NXN: variants seen among roughly 807,000 people sequenced by gnomAD.
The protein encoded by NXN is nucleoredoxin, also known as nucleoredoxin 1.
NXN carries 16 observed loss-of-function variants against 48.6 expected under a neutral mutation model. The ratio of observed to expected loss-of-function variants is 0.33; its 90% CI spans 0.22 to 0.50. The LOEUF is 0.50. Ranked by LOEUF, NXN falls within the 20% of genes least tolerant of loss-of-function variation. The pLI is 0.98. For synonymous variants in NXN, 281 were observed against 269.6 expected (o/e 1.04, Z -0.41); for missense variants, 492 against 605.5 (o/e 0.81, Z 1.97).
chr17:817,671 GAAAAAAA>G (rs1230474649), intron 5 of NXN, among the ~76,000 whole-genome samples: 1 of 107,168 alleles, frequency 9.3e-6, no homozygotes, highest in Non-Finnish European at 2.0e-5. Flanking sequence ...TCCAATTCAG[GAAAAAAA>G]AAAAAAAAAA....
At chr17:964,233 A>G (rs1271688465) in intron 1 of NXN, among the ~76,000 whole-genome samples, 1 of 152,218 alleles carries the variant, frequency 6.6e-6, no homozygotes, top group African/African-American at 2.4e-5. Flanking sequence ...GCATGTACAG[A>G]GACAGATAAA....
At chr17:907,436 T>G (rs560805172) in intron 1 of NXN, among the ~76,000 whole-genome samples, 15 of 151,710 alleles carry the variant, frequency 9.9e-5, no homozygotes, top group African/African-American at 3.1e-4. Context: ...GCCTCCCGAG[T>G]TCAAGTGATT....
intron 1 of NXN, among the ~76,000 whole-genome samples, chr17:931,560 GGC>G: frequency 6.6e-6 from 1 of 152,106 alleles, no homozygotes; most frequent in Admixed American, 6.6e-5. Context: ...TTTTTGGCCG[GGC>G]GCAGTGGCTC....
At chr17:833,385 CAG>C (rs979408552) in intron 1 of NXN, among the ~76,000 whole-genome samples, 1 of 152,100 alleles carries the variant, frequency 6.6e-6, no homozygotes, top group Non-Finnish European at 1.5e-5. Context: ...ACCCTTCTGT[CAG>C]AGAAGTCATC....
intron 1 of NXN, among the ~76,000 whole-genome samples, chr17:909,333 G>A (rs745453107): frequency 3.3e-5 from 5 of 152,046 alleles, no homozygotes; most frequent in Non-Finnish European, 7.4e-5. Flanking sequence ...GAAACAGAGA[G>A]ATTTTATATT....
intron 1 of NXN, among the ~76,000 whole-genome samples, chr17:905,631 G>A (rs2144908628): frequency 6.6e-6 from 1 of 152,212 alleles, no homozygotes; most frequent in East Asian, 1.9e-4. Flanking sequence ...CCGTTCAATA[G>A]AAATATAATG....
At chr17:810,818 G>A (rs1422321709) in intron 5 of NXN, among the ~76,000 whole-genome samples, 1 of 152,150 alleles carries the variant, frequency 6.6e-6, no homozygotes, top group Non-Finnish European at 1.5e-5. Flanking sequence ...GAACGCGGGA[G>A]GCAGAGCTTG....
At chr17:944,472 G>A (rs988347714) in intron 1 of NXN, among the ~76,000 whole-genome samples, 1 of 152,318 alleles carries the variant, frequency 6.6e-6, no homozygotes, top group East Asian at 1.9e-4. Context: ...CAAAGGCCCT[G>A]CGCTGTGTTC....
At chr17:816,812 C>G (rs1281182498) in intron 5 of NXN, among the ~76,000 whole-genome samples, 1 of 152,150 alleles carries the variant, frequency 6.6e-6, no homozygotes, top group Middle Eastern at 3.2e-3. Context: ...GGAAGCCCTC[C>G]TGACCCCCAC....
At chr17:877,421 C>T (rs2068228801) in intron 1 of NXN, among the ~76,000 whole-genome samples, 3 of 152,274 alleles carry the variant, frequency 2.0e-5, no homozygotes, top group Admixed American at 2.0e-4. Context: ...GCTGGAATTA[C>T]AGGCGTGAGC....
chr17:912,413 A>G (rs1456580898), intron 1 of NXN, among the ~76,000 whole-genome samples: 1 of 152,094 alleles, frequency 6.6e-6, no homozygotes, highest in East Asian at 1.9e-4. Context: ...GTGTTAAAAC[A>G]CTGCCAAAGA....
At chr17:887,944 A>C (rs1386427760) in intron 1 of NXN, among the ~76,000 whole-genome samples, 1 of 151,916 alleles carries the variant, frequency 6.6e-6, no homozygotes, top group African/African-American at 2.4e-5. Flanking sequence ...GTTCAAAGCA[A>C]GTCCACCAGA....
At chr17:860,751 T>A (rs2144777742) in intron 1 of NXN, among the ~76,000 whole-genome samples, 1 of 152,364 alleles carries the variant, frequency 6.6e-6, no homozygotes, top group East Asian at 1.9e-4. Flanking sequence ...AAGAATAAAA[T>A]CAAGTCAAAA....
At chr17:953,625 T>C (rs8078693) in intron 1 of NXN, among the ~76,000 whole-genome samples, 21,509 of 152,194 alleles carry the variant, frequency 0.14, 2,793 homozygotes, top group African/African-American at 0.35. Flanking sequence ...TCAACAGTTG[T>C]ACTTATCACT....
At chr17:911,153 T>G (rs990196940) in intron 1 of NXN, 1 of 152,082 alleles carries the variant, frequency 6.6e-6, no homozygotes, top group Non-Finnish European at 1.5e-5. Context: ...TTGTGAACAT[T>G]ATGTTTCTGT....
chr17:908,487 G>C (rs975660686), intron 1 of NXN, among the ~76,000 whole-genome samples: 10 of 152,144 alleles, frequency 6.6e-5, no homozygotes, highest in Non-Finnish European at 1.3e-4. Context: ...AGTGAACTGA[G>C]ATTGTGCCGT....
chr17:855,567 C>A (rs1363077289), intron 1 of NXN, among the ~76,000 whole-genome samples: 1 of 152,170 alleles, frequency 6.6e-6, no homozygotes, highest in Non-Finnish European at 1.5e-5. Flanking sequence ...TAGCAGAACT[C>A]TCTCTCTCTG....
chr17:867,521 G>A (rs1455621662), intron 1 of NXN, among the ~76,000 whole-genome samples: 1 of 152,228 alleles, frequency 6.6e-6, no homozygotes, highest in Non-Finnish European at 1.5e-5. Flanking sequence ...GTAGCTAAAT[G>A]ACACGAAAAG....
At chr17:871,912 G>A (rs534669443) in intron 1 of NXN, among the ~76,000 whole-genome samples, 4 of 152,120 alleles carry the variant, frequency 2.6e-5, no homozygotes, top group African/African-American at 7.2e-5. Flanking sequence ...GGAAACTCGG[G>A]GGTGAGGGAT....
Sources: gnomAD v4.1 joint callset for allele counts (sites outside exome capture counted in the v4.1 genomes callset) on GRCh38, gnomAD v4.1.1 for gene constraint, MANE v1.5 for transcripts, NCBI Gene and HGNC (gene_info 2026-07-23, HGNC 2026-07-21) for gene names.